The following DLC1 variants were observed in gnomAD, a reference collection of about 807,000 sequenced individuals.
The protein encoded by DLC1 is DLC1 Rho GTPase activating protein.
DLC1 carries 54 observed loss-of-function variants against 140.3 expected under a neutral mutation model. The ratio of observed to expected loss-of-function variants is 0.38; its 90% CI spans 0.31 to 0.48. DLC1 has a LOEUF of 0.48. Among genes scored for constraint, DLC1 ranks in the 20% least tolerant of loss-of-function variants. The probability of loss-of-function intolerance (pLI) is 0.96; values close to 1 mark genes in which losing one functional copy is unlikely to be tolerated. For missense variants in DLC1, 2,536 were observed against 1,907.0 expected, an observed-to-expected ratio of 1.33 and a Z score of -6.14; for synonymous variants, 986 against 728.1, an observed-to-expected ratio of 1.35 and a Z score of -5.70.
At chr8:13,370,286 T>C (rs1235862939) in intron 4 of DLC1, among the ~76,000 whole-genome samples, 1 of 152,160 alleles carries the variant, frequency 6.6e-6, no homozygotes, top group Non-Finnish European at 1.5e-5. Flanking sequence ...ATTTAAAAAT[T>C]ATTATTTTTC....
In DLC1 at chr8:13,181,788, A is replaced by G. The variant is rs145353358; in HGVS notation, c.1349-66131T>C. Reference sequence around the variant, plus strand: ...TCTTTGCTATTGTGAATAGTGCTGCAATAAACATACATGTACATGTGTCTT... The same window carrying G: ...TCTTTGCTATTGTGAATAGTGCTGCGATAAACATACATGTACATGTGTCTT... On this transcript the variant is annotated intron_variant, in intron 5 of 17. Coordinates refer to ENST00000276297, the MANE Select transcript of DLC1 (RefSeq NM_182643.3). Among the ~76,000 whole-genome samples the G allele has an allele frequency of 1.7e-3, 264 of 152,302 alleles. 1 individual carries two copies. Among genetic ancestry groups the G allele is most frequent in the African/African-American group, 6.2e-3 (259 of 41,566 alleles).
At chr8:13,319,745 T>C (rs555004367) in intron 4 of DLC1, among the ~76,000 whole-genome samples, 44 of 151,692 alleles carry the variant, frequency 2.9e-4, no homozygotes, top group African/African-American at 1.1e-3. Flanking sequence ...TAGTTCTTTA[T>C]AACAGTGCAA....
chr8:13,503,399 A>G (rs1801911853), intron 1 of DLC1, among the ~76,000 whole-genome samples: 1 of 152,140 alleles, frequency 6.6e-6, no homozygotes, highest in South Asian at 2.1e-4. Flanking sequence ...GCAAAAAAAA[A>G]TAATAATAAA....
intron 5 of DLC1, among the ~76,000 whole-genome samples, chr8:13,194,540 T>G (rs549511638): frequency 1.4e-4 from 21 of 152,342 alleles, no homozygotes; most frequent in Middle Eastern, 3.4e-3. Flanking sequence ...AAATGCTGTT[T>G]GGAAGCTGAG....
At chr8:13,238,680 C>T (rs1829403894) in intron 5 of DLC1, among the ~76,000 whole-genome samples, 1 of 152,184 alleles carries the variant, frequency 6.6e-6, no homozygotes, top group Non-Finnish European at 1.5e-5. Flanking sequence ...TAGATTTCAG[C>T]TCCCAGGTCT....
chr8:13,218,004 A>G (rs779603254), intron 5 of DLC1, among the ~76,000 whole-genome samples: 9 of 152,168 alleles, frequency 5.9e-5, no homozygotes, highest in Non-Finnish European at 1.3e-4. Context: ...GACAGAAGCC[A>G]GTCCCCTCCC....
chr8:13,107,140 G>C (rs1271486547), intron 7 of DLC1, among the ~76,000 whole-genome samples: 1 of 152,134 alleles, frequency 6.6e-6, no homozygotes, highest in East Asian at 1.9e-4. Flanking sequence ...AAAAATGCTG[G>C]TTAGCAATCT....
At chr8:13,504,732 A>T (rs117375046) in intron 1 of DLC1, among the ~76,000 whole-genome samples, 3,492 of 152,272 alleles carry the variant, frequency 0.023, 60 homozygotes, top group Non-Finnish European at 0.034. Context: ...CAAAATTTGG[A>T]TGGGAAATTA....
At chr8:13,585,115 A>C (rs1007019478) in intron 1 of DLC1, among the ~76,000 whole-genome samples, 3 of 152,220 alleles carry the variant, frequency 2.0e-5, no homozygotes, top group Non-Finnish European at 4.4e-5. Flanking sequence ...TAGATCACAA[A>C]AAATTTTTAA....
chr8:13,424,927 G>A (rs1008937627), intron 2 of DLC1, among the ~76,000 whole-genome samples: 2 of 152,114 alleles, frequency 1.3e-5, no homozygotes, highest in Non-Finnish European at 2.9e-5. Context: ...AGTACATAAT[G>A]TACCAATGCA....
chr8:13,312,509 A>G (rs1179281753), intron 4 of DLC1, among the ~76,000 whole-genome samples: 1 of 151,966 alleles, frequency 6.6e-6, no homozygotes, highest in African/African-American at 2.4e-5. Flanking sequence ...AGAAATTTAC[A>G]ATTGATGACT....
chr8:13,162,021 C>T (rs1013582484), intron 5 of DLC1, among the ~76,000 whole-genome samples: 6 of 152,130 alleles, frequency 3.9e-5, no homozygotes, highest in African/African-American at 1.4e-4. Flanking sequence ...ATATTTCAAT[C>T]AACAGAATAA....
chr8:13,137,589 C>G (rs534912750), intron 5 of DLC1, among the ~76,000 whole-genome samples: 1 of 142,468 alleles, frequency 7.0e-6, no homozygotes, highest in Non-Finnish European at 1.5e-5. Context: ...GCTTGGACAT[C>G]AGTTTTTGGT....
intron 5 of DLC1, among the ~76,000 whole-genome samples, chr8:13,257,034 C>T (rs550660118): frequency 4.3e-4 from 65 of 151,954 alleles, no homozygotes; most frequent in Non-Finnish European, 7.2e-4. Context: ...TTTTTATTTG[C>T]AATCTGTGCA....
intron 1 of DLC1, among the ~76,000 whole-genome samples, chr8:13,563,299 A>C (rs1384670274): frequency 6.6e-6 from 1 of 152,158 alleles, no homozygotes; most frequent in Admixed American, 6.5e-5. Flanking sequence ...AGATGATATT[A>C]AGGATTTATC....
intron 5 of DLC1, among the ~76,000 whole-genome samples, chr8:13,221,910 A>G (rs1443620029): frequency 1.5e-5 from 2 of 135,782 alleles, no homozygotes; most frequent in African/African-American, 6.4e-5. Context: ...TAAAATATAT[A>G]TTAGTATATA....
chr8:13,527,331 T>C (rs946179537), intron 1 of DLC1, among the ~76,000 whole-genome samples: 3 of 152,182 alleles, frequency 2.0e-5, no homozygotes, highest in African/African-American at 7.2e-5. Flanking sequence ...CTCAATATGA[T>C]TTTTCTCTTT....
chr8:13,297,289 A>AAAAAAAAAAAAC (rs1193610572), intron 5 of DLC1, among the ~76,000 whole-genome samples: 1 of 142,910 alleles, frequency 7.0e-6, no homozygotes, highest in Non-Finnish European at 1.5e-5. Context: ...CATTAAAAAA[A>AAAAAAAAAAAAC]AAAAAAACTG....
chr8:13,149,621 C>A (rs2128976362), intron 5 of DLC1, among the ~76,000 whole-genome samples: 2 of 152,322 alleles, frequency 1.3e-5, no homozygotes, highest in Middle Eastern at 6.8e-3. Context: ...CCAAGCATGA[C>A]CAACATTAAT....
Sources: gnomAD v4.1 joint callset for allele counts (sites outside exome capture counted in the v4.1 genomes callset) on GRCh38, gnomAD v4.1.1 for gene constraint, MANE v1.5 for transcripts, NCBI Gene and HGNC (gene_info 2026-07-23, HGNC 2026-07-21) for gene names.